NALF1: variants seen among roughly 807,000 people sequenced by gnomAD.
NALF1 encodes NALCN channel auxiliary factor 1, also known as family with sequence similarity 155 member A.
A neutral mutation model predicts 48.4 loss-of-function variants in NALF1; 3 were observed. The ratio of observed to expected loss-of-function variants is 0.06; its 90% CI spans 0.03 to 0.16. NALF1 has a LOEUF of 0.16. Ranked by LOEUF, NALF1 falls within the 10% of genes least tolerant of loss-of-function variation. The pLI, the probability that NALF1 is intolerant of heterozygous loss-of-function variation, is 1.00. For synonymous variants in NALF1, 262 were observed against 245.7 expected, an observed-to-expected ratio of 1.07 and a Z score of -0.62; for missense variants, 526 against 571.5, an observed-to-expected ratio of 0.92 and a Z score of 0.81.
At chr13:107,759,615 G>A (rs1877209226) in intron 1 of NALF1, among the ~76,000 whole-genome samples, 1 of 152,144 alleles carries the variant, frequency 6.6e-6, no homozygotes, top group Non-Finnish European at 1.5e-5. Flanking sequence ...CAGGTTTGGT[G>A]CTAATTCCAG....
chr13:107,848,131 T>C (rs1401765494), intron 1 of NALF1, among the ~76,000 whole-genome samples: 1 of 152,246 alleles, frequency 6.6e-6, no homozygotes, highest in African/African-American at 2.4e-5. Context: ...TGATGCCTTT[T>C]GTTGCTGATT....
intron 1 of NALF1, among the ~76,000 whole-genome samples, chr13:107,753,921 G>A (rs1877011302): frequency 6.6e-6 from 1 of 152,252 alleles, no homozygotes; most frequent in East Asian, 1.9e-4. Context: ...TGATAACATG[G>A]ACAAACGGCA....
intron 1 of NALF1, among the ~76,000 whole-genome samples, chr13:107,573,004 G>C (rs1055397332): frequency 3.3e-5 from 5 of 152,018 alleles, no homozygotes; most frequent in Admixed American, 6.6e-5. Flanking sequence ...CATGAGCCTT[G>C]CTCCCCACTG....
intron 1 of NALF1, among the ~76,000 whole-genome samples, chr13:107,417,682 G>C (rs114598400): frequency 1.3e-5 from 2 of 152,004 alleles, no homozygotes; most frequent in African/African-American, 4.8e-5. Context: ...ATCCTGTTTC[G>C]TAATATCACC....
chr13:107,750,643 A>C (rs1245290457), intron 1 of NALF1, among the ~76,000 whole-genome samples: 1 of 152,156 alleles, frequency 6.6e-6, no homozygotes, highest in Non-Finnish European at 1.5e-5. Context: ...TCATGATGTG[A>C]TAGTAACAGG....
In NALF1 at chr13:107,514,844, A is replaced by T. The variant is rs76487084; in HGVS notation, c.916-304089T>A. Reference sequence around the variant, plus strand: ...TGAATCATTGCATAGATGACAGGATATTATGGCAAAACAGCAGTCAAGCTA... The same window carrying T: ...TGAATCATTGCATAGATGACAGGATTTTATGGCAAAACAGCAGTCAAGCTA... On this transcript the variant is annotated intron_variant, in intron 1 of 2. Transcript: ENST00000375915. Among the ~76,000 whole-genome samples the T allele has an allele frequency of 9.0e-3, 1,363 of 152,276 alleles. 21 individuals are homozygous for T. The highest frequency in any genetic ancestry group is 0.031 in the African/African-American group (1,288 of 41,544).
intron 1 of NALF1, among the ~76,000 whole-genome samples, chr13:107,813,657 G>A (rs1455299552): frequency 1.3e-5 from 2 of 149,772 alleles, no homozygotes; most frequent in Non-Finnish European, 3.0e-5. Flanking sequence ...CTAGCAAAGT[G>A]CATAAAGAAG....
chr13:107,788,462 C>T (rs1878136385), intron 1 of NALF1: 1 of 152,266 alleles, frequency 6.6e-6, no homozygotes, highest in South Asian at 2.1e-4. Context: ...GTGTTCAAGT[C>T]ACTACCTTTC....
intron 1 of NALF1, among the ~76,000 whole-genome samples, chr13:107,842,304 A>G (rs983462402): frequency 6.6e-6 from 1 of 152,036 alleles, no homozygotes; most frequent in Non-Finnish European, 1.5e-5. Context: ...ACTGAGAGAA[A>G]TCAAATTATT....
chr13:107,371,233 G>T (rs1883243173), intron 1 of NALF1, among the ~76,000 whole-genome samples: 1 of 152,216 alleles, frequency 6.6e-6, no homozygotes, highest in South Asian at 2.1e-4. Context: ...AATCGCTTGA[G>T]CACAAGAGTT....
At chr13:107,676,572 G>A (rs974607566) in intron 1 of NALF1, among the ~76,000 whole-genome samples, 8 of 148,490 alleles carry the variant, frequency 5.4e-5, no homozygotes, top group Admixed American at 2.7e-4. Context: ...AGCATTTTAT[G>A]TGATATCATT....
chr13:107,819,764 TCACACA>T (rs1398183489), intron 1 of NALF1, among the ~76,000 whole-genome samples: 1 of 149,932 alleles, frequency 6.7e-6, no homozygotes, highest in African/African-American at 2.4e-5. Flanking sequence ...TCTCTCTCTT[TCACACA>T]CACACACACA....
At chr13:107,559,303 C>T (rs1009994695) in intron 1 of NALF1, among the ~76,000 whole-genome samples, 3 of 151,996 alleles carry the variant, frequency 2.0e-5, no homozygotes, top group African/African-American at 4.8e-5. Flanking sequence ...TTTCATTGCT[C>T]GCTTATGTAT....
At chr13:107,787,528 G>A (rs937175580) in intron 1 of NALF1, among the ~76,000 whole-genome samples, 3 of 152,092 alleles carry the variant, frequency 2.0e-5, no homozygotes, top group African/African-American at 7.2e-5. Context: ...TTGTTACGTG[G>A]GTCACGGTAA....
intron 1 of NALF1, among the ~76,000 whole-genome samples, chr13:107,527,655 G>A (rs1275083346): frequency 2.0e-5 from 3 of 152,056 alleles, no homozygotes; most frequent in Admixed American, 6.6e-5. Flanking sequence ...TGAGCCACCC[G>A]GTGGGAGATA....
At chr13:107,432,412 C>A (rs1347169667) in intron 1 of NALF1, among the ~76,000 whole-genome samples, 2 of 152,168 alleles carry the variant, frequency 1.3e-5, no homozygotes, top group Admixed American at 1.3e-4. Flanking sequence ...AGATCAGTGC[C>A]TCTCAACCTT....
intron 1 of NALF1, among the ~76,000 whole-genome samples, chr13:107,338,731 G>C (rs922720531): frequency 1.3e-5 from 2 of 152,216 alleles, no homozygotes; most frequent in Non-Finnish European, 2.9e-5. Flanking sequence ...TAATACAGTT[G>C]TGAGGTATAA....
At chr13:107,434,310 G>A (rs1884429302) in intron 1 of NALF1, among the ~76,000 whole-genome samples, 1 of 152,106 alleles carries the variant, frequency 6.6e-6, no homozygotes, top group African/African-American at 2.4e-5. Context: ...GATTATCATT[G>A]ACACATAAGA....
chr13:107,536,840 C>CAGTG (rs1468641315), intron 1 of NALF1, among the ~76,000 whole-genome samples: 1 of 152,164 alleles, frequency 6.6e-6, no homozygotes, highest in African/African-American at 2.4e-5. Flanking sequence ...AAATGTCCAT[C>CAGTG]AGTGATAGAC....
Sources: gnomAD v4.1 joint callset for allele counts (sites outside exome capture counted in the v4.1 genomes callset) on GRCh38, gnomAD v4.1.1 for gene constraint, MANE v1.5 for transcripts, NCBI Gene and HGNC (gene_info 2026-07-23, HGNC 2026-07-21) for gene names.